CNTNAP5: variants seen among roughly 807,000 people sequenced by gnomAD.
The protein encoded by CNTNAP5 is contactin associated protein family member 5, also known as contactin-associated protein-like 5.
Under a neutral mutation model 150.2 loss-of-function variants are expected in CNTNAP5, and 72 were observed. That is an observed-to-expected ratio of 0.48 (90% confidence interval 0.40 to 0.58). The LOEUF is 0.58. Ranked by LOEUF, CNTNAP5 falls within the 20% of genes least tolerant of loss-of-function variation. The probability of loss-of-function intolerance (pLI) is 0.00; values close to 1 mark genes in which losing one functional copy is unlikely to be tolerated. For synonymous variants in CNTNAP5, 672 were observed against 619.8 expected (o/e 1.08, Z -1.25); for missense variants, 1,636 against 1,626.2 (o/e 1.01, Z -0.10).
chr2:124,820,470 GAA>G (rs11310462), intron 19 of CNTNAP5, among the ~76,000 whole-genome samples: 1 of 142,124 alleles, frequency 7.0e-6, no homozygotes, highest in African/African-American at 2.5e-5. Flanking sequence ...AAAGGAAGGG[GAA>G]AAAAAAAACA....
intron 21 of CNTNAP5, among the ~76,000 whole-genome samples, chr2:124,881,270 G>A (rs963104325): frequency 2.0e-5 from 3 of 152,076 alleles, no homozygotes; most frequent in African/African-American, 7.2e-5. Context: ...CTTTGGATAC[G>A]AAAGAGATAG....
chr2:124,779,151 T>G (rs909595100), intron 17 of CNTNAP5, among the ~76,000 whole-genome samples: 10 of 152,190 alleles, frequency 6.6e-5, no homozygotes, highest in Admixed American at 6.5e-5. Context: ...GTCTGCACCT[T>G]CAGAAGCTGC....
chr2:124,362,318 C>A (rs1690234535), intron 3 of CNTNAP5, among the ~76,000 whole-genome samples: 1 of 152,184 alleles, frequency 6.6e-6, no homozygotes, highest in Non-Finnish European at 1.5e-5. Flanking sequence ...TCCTATTCGA[C>A]CATCTTGGCT....
At chr2:124,680,297 T>C (rs1340240490) in intron 13 of CNTNAP5, among the ~76,000 whole-genome samples, 1 of 151,854 alleles carries the variant, frequency 6.6e-6, no homozygotes, top group Admixed American at 6.7e-5. Flanking sequence ...ACAGAGACAT[T>C]AGCATAACCC....
intron 1 of CNTNAP5, among the ~76,000 whole-genome samples, chr2:124,084,922 C>CTTTTTTTTTTTTTTTTTT (rs1474480684): frequency 5.5e-4 from 10 of 18,210 alleles, no homozygotes; most frequent in East Asian, 2.1e-3. Flanking sequence ...TTCAAGTTTC[C>CTTTTTTTTTTTTTTTTTT]TGTTTTTTTT....
intron 1 of CNTNAP5, among the ~76,000 whole-genome samples, chr2:124,206,134 G>C (rs1047074721): frequency 1.3e-5 from 2 of 152,184 alleles, no homozygotes; most frequent in African/African-American, 4.8e-5. Flanking sequence ...CCATTCTGCT[G>C]GATAGTAACT....
chr2:124,427,521 A>G (rs1044351751), intron 4 of CNTNAP5, among the ~76,000 whole-genome samples: 21 of 151,992 alleles, frequency 1.4e-4, no homozygotes, highest in African/African-American at 4.4e-4. Context: ...CAGTGACACA[A>G]TCTTGGCTCA....
intron 3 of CNTNAP5, among the ~76,000 whole-genome samples, chr2:124,260,165 C>T (rs1687416465): frequency 1.3e-5 from 2 of 152,146 alleles, no homozygotes; most frequent in South Asian, 2.1e-4. Flanking sequence ...GGTACCAAAA[C>T]AGAGATATAG....
intron 20 of CNTNAP5, among the ~76,000 whole-genome samples, chr2:124,866,817 G>C (rs541427489): frequency 6.4e-4 from 97 of 152,164 alleles, no homozygotes; most frequent in South Asian, 1.0e-3. Context: ...CTGTTCTCCT[G>C]TTCTCCTGGT....
intron 1 of CNTNAP5, among the ~76,000 whole-genome samples, chr2:124,157,041 A>G (rs1247067177): frequency 3.3e-5 from 5 of 152,260 alleles, no homozygotes; most frequent in Non-Finnish European, 5.9e-5. Context: ...AGCTAGTAAT[A>G]AAGGATTCTC....
intron 6 of CNTNAP5, among the ~76,000 whole-genome samples, chr2:124,451,620 A>G (rs1355554806): frequency 1.3e-5 from 2 of 152,076 alleles, no homozygotes; most frequent in South Asian, 2.1e-4. Context: ...GAACGACTGC[A>G]GTAATACATT....
At chr2:124,093,448 GCA>G (rs1682860366) in intron 1 of CNTNAP5, among the ~76,000 whole-genome samples, 1 of 152,208 alleles carries the variant, frequency 6.6e-6, no homozygotes, top group South Asian at 2.1e-4. Context: ...GATTGTTAAA[GCA>G]CAGACAACTC....
intron 3 of CNTNAP5, among the ~76,000 whole-genome samples, chr2:124,255,962 A>G (rs939392721): frequency 3.3e-5 from 5 of 152,180 alleles, no homozygotes; most frequent in East Asian, 1.9e-4. Flanking sequence ...AAGTCACAAG[A>G]TTGTTTGAAA....
At chr2:124,786,916 A>G (rs1430526488) in intron 17 of CNTNAP5, among the ~76,000 whole-genome samples, 1 of 152,214 alleles carries the variant, frequency 6.6e-6, no homozygotes, top group Non-Finnish European at 1.5e-5. Context: ...CCAGGTAAAA[A>G]TGGAAATTTA....
rs184197356 is a variant in CNTNAP5, at chr2:124,563,010, C to T, written c.1650-207C>T. The stretch of plus-strand genomic sequence containing the variant: ...TACATCAGCTTTGCGACTTTCATTG[C>T]GCAGTAATGCAAGGTGATTCTACCT... On this transcript the variant is annotated intron_variant, in intron 10 of 23. Transcript: ENST00000682447. Among the ~76,000 whole-genome samples the T allele has an allele frequency of 1.7e-3, 266 of 152,276 alleles. 2 individuals are homozygous for T. Among genetic ancestry groups the T allele is most frequent in the Admixed American group, 0.015 (231 of 15,292 alleles).
At chr2:124,726,472 T>C (rs560930902) in intron 13 of CNTNAP5, among the ~76,000 whole-genome samples, 1 of 152,216 alleles carries the variant, frequency 6.6e-6, no homozygotes, top group Non-Finnish European at 1.5e-5. Context: ...CTAAGATTGT[T>C]AGTTTCCTAA....
At chr2:124,274,170 A>C (rs1687827366) in intron 3 of CNTNAP5, among the ~76,000 whole-genome samples, 1 of 152,228 alleles carries the variant, frequency 6.6e-6, no homozygotes, top group South Asian at 2.1e-4. Flanking sequence ...GATCTTTAAA[A>C]CTCAGTGTGT....
chr2:124,425,640 A>AG (rs370642356), intron 4 of CNTNAP5, among the ~76,000 whole-genome samples: 28,526 of 151,972 alleles, frequency 0.19, 2,983 homozygotes, highest in East Asian at 0.5. Context: ...TTAGAGTTCT[A>AG]TTCCATTTCA....
At chr2:124,524,250 C>T in intron 8 of CNTNAP5, 53 bp from the exon 9 acceptor site, 9 of 1,595,640 alleles carry the variant, frequency 5.6e-6, no homozygotes, top group Non-Finnish European at 7.7e-6. Context: ...CCCCCTCTCT[C>T]TAAGTCTTCT....
Sources: gnomAD v4.1 joint callset for allele counts (sites outside exome capture counted in the v4.1 genomes callset) on GRCh38, gnomAD v4.1.1 for gene constraint, MANE v1.5 for transcripts, NCBI Gene and HGNC (gene_info 2026-07-23, HGNC 2026-07-21) for gene names.